SCARA5: variants seen among roughly 807,000 people sequenced by gnomAD.
SCARA5 encodes scavenger receptor class A, member 5 (putative).
A neutral mutation model predicts 46.3 loss-of-function variants in SCARA5; 45 were observed. The ratio of observed to expected loss-of-function variants is 0.97; its 90% CI spans 0.76 to 1.24. The LOEUF (loss-of-function observed/expected upper bound fraction) is 1.24, where lower values mean the gene tolerates loss of function less well. SCARA5 is among the 50% of genes most tolerant of loss of function. SCARA5 has a pLI of 0.00. For synonymous variants in SCARA5, 333 were observed against 306.5 expected, an observed-to-expected ratio of 1.09 and a Z score of -0.90; for missense variants, 680 against 689.0, an observed-to-expected ratio of 0.99 and a Z score of 0.15.
chr8:27,898,771 G>A (rs1111620), intron 7 of SCARA5, among the ~76,000 whole-genome samples: 129,288 of 152,220 alleles, frequency 0.85, 57,260 homozygotes, highest in South Asian at 0.98. Context: ...AGCCCCACTT[G>A]GAAGTGGAGA....
intron 7 of SCARA5, among the ~76,000 whole-genome samples, chr8:27,883,800 G>C (rs902903759): frequency 6.6e-6 from 1 of 152,136 alleles, no homozygotes; most frequent in Non-Finnish European, 1.5e-5. Context: ...CACAATGCAG[G>C]AAAATGCCCA....
rs188441413 is a variant in SCARA5 at position 27,991,846 on chromosome 8, C to T, written c.-16+411G>A. On this transcript the variant is annotated intron_variant, in intron 1 of 8. Transcript: ENST00000354914. ...TGGCACATGCACACGCACAGACATGCACACACACACACATGCACACACACA... is the reference window on the plus strand; with the variant it reads ...TGGCACATGCACACGCACAGACATGTACACACACACACATGCACACACACA... Among the ~76,000 whole-genome samples, 6 of 150,600 alleles carry T rather than the reference C, an allele frequency of 4.0e-5. No individual in the cohort carries two copies. The East Asian group carries it at 1.2e-3, about 29-fold the overall frequency.
chr8:27,965,211 C>A (rs1454151725), intron 3 of SCARA5, among the ~76,000 whole-genome samples: 1 of 152,208 alleles, frequency 6.6e-6, no homozygotes, highest in East Asian at 1.9e-4. Flanking sequence ...ATTACATCAC[C>A]CAACTGACTA....
At chr8:27,981,542 T>C (rs1808615167) in intron 2 of SCARA5, among the ~76,000 whole-genome samples, 1 of 151,924 alleles carries the variant, frequency 6.6e-6, no homozygotes. Flanking sequence ...CCCCCGTGAG[T>C]TGAGTAAAGA....
chr8:27,912,804 A>G (rs571675713), intron 4 of SCARA5, among the ~76,000 whole-genome samples: 1 of 152,324 alleles, frequency 6.6e-6, no homozygotes, highest in East Asian at 1.9e-4. Flanking sequence ...ACTCTCGCCA[A>G]GGGAGGATGC....
At chr8:27,913,289 G>A (rs1175754630) in intron 4 of SCARA5, among the ~76,000 whole-genome samples, 3 of 152,198 alleles carry the variant, frequency 2.0e-5, no homozygotes, top group Non-Finnish European at 2.9e-5. Flanking sequence ...ATCCTCAGGT[G>A]GTACAGGCCT....
intron 8 of SCARA5, among the ~76,000 whole-genome samples, chr8:27,873,648 C>G (rs1585455476): frequency 6.6e-6 from 1 of 150,718 alleles, no homozygotes; most frequent in Admixed American, 6.7e-5. Context: ...CGCTGACTCT[C>G]TTTTCTGACT....
chr8:27,935,414 T>C (rs2129855423), intron 3 of SCARA5, among the ~76,000 whole-genome samples: 1 of 152,220 alleles, frequency 6.6e-6, no homozygotes, highest in South Asian at 2.1e-4. Context: ...AATGGGTGGT[T>C]GGAGCACAAG....
intron 4 of SCARA5, among the ~76,000 whole-genome samples, chr8:27,920,345 G>C (rs1387403452): frequency 1.3e-5 from 2 of 152,140 alleles, no homozygotes; most frequent in East Asian, 3.9e-4. Context: ...AGGTGTAGTG[G>C]CTCAAGCCTG....
intron 2 of SCARA5, among the ~76,000 whole-genome samples, chr8:27,972,069 C>A (rs1043105978): frequency 2.0e-5 from 3 of 152,142 alleles, no homozygotes; most frequent in African/African-American, 7.2e-5. Context: ...GTAATCCCAG[C>A]ACTTTGGGAG....
At chr8:27,922,266 AGACTTGAG>A in intron 3 of SCARA5, 21 bp from the exon 4 acceptor site, 1 of 1,496,206 alleles carries the variant, frequency 6.7e-7, no homozygotes, top group Non-Finnish European at 8.9e-7. Context: ...GGAAGAGGGG[AGACTTGAG>A]CACCGCTGGG....
chr8:27,880,876 A>AAAAAAAAAG (rs1806800436), intron 7 of SCARA5, among the ~76,000 whole-genome samples: 1 of 150,010 alleles, frequency 6.7e-6, no homozygotes, highest in Non-Finnish European at 1.5e-5. Flanking sequence ...AAAAAAAAAA[A>AAAAAAAAAG]GTGGGCAGGA....
At position 27,875,265 on chromosome 8, in the gene SCARA5, T is replaced by G. The variant is rs535762215; in HGVS notation, c.1352-3195A>C. On this transcript the variant is annotated intron_variant, in intron 8 of 8. Coordinates refer to ENST00000354914, the MANE Select transcript of SCARA5 (RefSeq NM_173833.6). ...TTCCTACTTTCCCTCCCTCCTTCCT[T>G]TCTTCCCTTCTACATTTATCCAGCT... Among the ~76,000 whole-genome samples the G allele has an allele frequency of 4.0e-5, 6 of 148,740 alleles. No individual in the cohort carries two copies. The East Asian group carries it at 1.3e-3, about 32-fold the overall frequency.
chr8:27,921,688 C>A lies in SCARA5; in HGVS notation c.799G>T (p.Val267Leu). ...TGCTTCAGCTGCAGCTCCATGCCTA[C>A]GTGCGCCAGGCGCAGGCGGCGCGTG... Reference protein sequence around the residue: ...EDTRRLRLAHVGMELQLKQEL... With the variant: ...EDTRRLRLAHLGMELQLKQEL... The change falls in exon 4 of 9, where the codon GTA becomes TTA. Residue 267 changes from valine (V) to leucine (L), a missense_variant. Physicochemically the swap from Val to Leu is conservative, Grantham distance 32 (BLOSUM62 1). Coordinates refer to ENST00000354914, the MANE Select transcript of SCARA5 (RefSeq NM_173833.6). The A allele has an allele frequency of 3.1e-6, 5 of 1,607,716 alleles. No homozygotes were observed. The highest frequency in any genetic ancestry group is 4.2e-6 in the Non-Finnish European group (5 of 1,177,522).
Position 27,916,761 on chromosome 8 carries a change from G to A in SCARA5, c.916+4810C>T, listed in dbSNP as rs143839625. ...GGAGGCAGGAAAGACCCTAGATGCA[G>A]TGGTGATAATGAGAGCTGGAGGCCC... On this transcript the variant is annotated intron_variant, in intron 4 of 8. Coordinates refer to ENST00000354914, the MANE Select transcript of SCARA5 (RefSeq NM_173833.6). Among the ~76,000 whole-genome samples the A allele has an allele frequency of 2.1e-3, 315 of 152,330 alleles. 4 individuals are homozygous for A. The highest frequency in any genetic ancestry group is 7.3e-3 in the African/African-American group (303 of 41,566).
intron 7 of SCARA5, among the ~76,000 whole-genome samples, chr8:27,898,846 GAAAGCCCCATAA>G (rs1440484293): frequency 6.6e-6 from 1 of 152,144 alleles, no homozygotes; most frequent in Non-Finnish European, 1.5e-5. Context: ...CTAATGTAAT[GAAAGCCCCATAA>G]AAACCCAAAA....
intron 3 of SCARA5, among the ~76,000 whole-genome samples, chr8:27,950,187 TGCATGCCAGCCCCAGGG>T (rs72358535): frequency 0.95 from 144,272 of 152,012 alleles, 68,756 homozygotes; most frequent in East Asian, 1. Flanking sequence ...TCCTGCCAAC[TGCATGCCAGCCCCAGGG>T]GCTGAGGCAG....
At chr8:27,935,491 C>T (rs1000405147) in intron 3 of SCARA5, among the ~76,000 whole-genome samples, 3 of 152,174 alleles carry the variant, frequency 2.0e-5, no homozygotes, top group Admixed American at 1.3e-4. Flanking sequence ...AGCCTCTAGT[C>T]TGGAGTCTGG....
intron 3 of SCARA5, among the ~76,000 whole-genome samples, chr8:27,964,956 C>T (rs1188065692): frequency 6.6e-6 from 1 of 152,180 alleles, no homozygotes; most frequent in Non-Finnish European, 1.5e-5. Flanking sequence ...GCAGCCAAAC[C>T]CACAAAACTC....
Sources: allele counts gnomAD v4.1 joint callset (sites outside exome capture counted in the v4.1 genomes callset), GRCh38; gene constraint gnomAD v4.1.1; transcripts MANE v1.5; gene names NCBI Gene and HGNC (gene_info 2026-07-23, HGNC 2026-07-21).